AGMO: variants seen among roughly 807,000 people sequenced by gnomAD.
The protein encoded by AGMO is glyceryl-ether monooxygenase.
Under a neutral mutation model 60.2 loss-of-function variants are expected in AGMO, and 75 were observed. That is an observed-to-expected ratio of 1.25 (90% confidence interval 1.03 to 1.51). The LOEUF (loss-of-function observed/expected upper bound fraction) is 1.51. AGMO is among the 40% of genes most tolerant of loss of function. The pLI is 0.00. For missense variants in AGMO, 763 were observed against 525.5 expected (o/e 1.45, Z -4.42); for synonymous variants, 261 against 177.1 (o/e 1.47, Z -3.76).
chr7:15,559,186 T>G (rs763288612), intron 2 of AGMO, among the ~76,000 whole-genome samples: 43 of 152,258 alleles, frequency 2.8e-4, no homozygotes, highest in Non-Finnish European at 4.7e-4. Context: ...TACAGGAATA[T>G]TACTGCTTTT....
At chr7:15,537,246 CA>C (rs1397738044) in intron 3 of AGMO, among the ~76,000 whole-genome samples, 1 of 151,992 alleles carries the variant, frequency 6.6e-6, no homozygotes, top group Non-Finnish European at 1.5e-5. Context: ...AATTGTTTCA[CA>C]AAGCTAGAAG....
At chr7:15,270,064 A>G (rs1228277179) in intron 12 of AGMO, among the ~76,000 whole-genome samples, 3 of 152,112 alleles carry the variant, frequency 2.0e-5, no homozygotes, top group Admixed American at 6.5e-5. Context: ...TAATGCCGCA[A>G]AAAAGATATA....
At chr7:15,548,929 A>C (rs946174567) in intron 2 of AGMO, among the ~76,000 whole-genome samples, 62 of 150,940 alleles carry the variant, frequency 4.1e-4, no homozygotes, top group South Asian at 1.0e-3. Context: ...AGGTCGGGTT[A>C]CCCTCAAAGG....
the AGMO span, among the ~76,000 whole-genome samples, chr7:15,163,632 G>T: frequency 6.6e-6 from 1 of 151,928 alleles, no homozygotes; most frequent in African/African-American, 2.4e-5. Context: ...TTATTGATTT[G>T]CGTATGTTGA....
At chr7:15,467,713 A>G (rs1053555667) in intron 3 of AGMO, among the ~76,000 whole-genome samples, 1 of 152,152 alleles carries the variant, frequency 6.6e-6, no homozygotes, top group Admixed American at 6.6e-5. Context: ...TTTTTGGAAT[A>G]TTATTTCTCA....
chr7:15,481,219 C>T (rs541042139), intron 3 of AGMO, among the ~76,000 whole-genome samples: 28 of 152,000 alleles, frequency 1.8e-4, no homozygotes, highest in African/African-American at 6.8e-4. Flanking sequence ...ATTTTTAATA[C>T]AAAATGTTTT....
intron 12 of AGMO, among the ~76,000 whole-genome samples, chr7:15,204,263 T>C (rs975448668): frequency 2.6e-5 from 4 of 152,176 alleles, no homozygotes; most frequent in African/African-American, 9.6e-5. Flanking sequence ...ATTACCGTAG[T>C]CACTCCATTT....
At chr7:15,145,948 C>T in the AGMO span, among the ~76,000 whole-genome samples, 3 of 152,090 alleles carry the variant, frequency 2.0e-5, no homozygotes, top group East Asian at 5.8e-4. Context: ...AGCAATGAAG[C>T]GGAAGGTATT....
intron 4 of AGMO, among the ~76,000 whole-genome samples, chr7:15,430,290 C>T (rs189697683): frequency 6.6e-4 from 100 of 151,860 alleles, no homozygotes; most frequent in South Asian, 2.1e-3. Flanking sequence ...TGTATGATTA[C>T]TGATTTTACG....
chr7:15,361,407 G>T (rs1442125529), intron 12 of AGMO, among the ~76,000 whole-genome samples: 1 of 151,532 alleles, frequency 6.6e-6, no homozygotes, highest in African/African-American at 2.4e-5. Flanking sequence ...GGGCGTGGTG[G>T]CGGGCACCTG....
rs190253719 is a variant in AGMO, at chr7:15,312,373, C to T, written c.1263+53141G>A. On this transcript the variant is annotated intron_variant, in intron 12 of 12. Transcript: ENST00000342526. ...ACAAAAAGGAAATGTTTTAAGTTGC[C>T]AGAACAAGGGGAAAATAAAAGGCAA... is the stretch of plus-strand genomic sequence containing the variant. Among the ~76,000 whole-genome samples, 449 of 151,936 alleles carry T rather than the reference C, an allele frequency of 3.0e-3. 1 individual carries two copies. The highest frequency in any genetic ancestry group is 9.7e-3 in the African/African-American group (400 of 41,436).
chr7:15,414,409 A>C, intron 5 of AGMO, among the ~76,000 whole-genome samples: 1 of 152,198 alleles, frequency 6.6e-6, no homozygotes, highest in Non-Finnish European at 1.5e-5. Context: ...ATTTATGATA[A>C]GTATTATATT....
At chr7:15,420,268 A>G (rs2128494780) in intron 4 of AGMO, among the ~76,000 whole-genome samples, 1 of 152,234 alleles carries the variant, frequency 6.6e-6, no homozygotes, top group South Asian at 2.1e-4. Flanking sequence ...CAGGTCTTTT[A>G]AGAGCTTTTA....
intron 5 of AGMO, among the ~76,000 whole-genome samples, chr7:15,411,878 T>A (rs140287645): frequency 1.3e-5 from 2 of 152,204 alleles, no homozygotes; most frequent in East Asian, 3.9e-4. Flanking sequence ...TCTTTACACA[T>A]GAGTGGATCT....
At chr7:15,383,021 T>C (rs1218041468) in intron 10 of AGMO, among the ~76,000 whole-genome samples, 1 of 152,096 alleles carries the variant, frequency 6.6e-6, no homozygotes. Flanking sequence ...GCCACTCTGT[T>C]GTTCTTCATA....
At chr7:15,383,585 C>A (rs1783782157) in intron 10 of AGMO, among the ~76,000 whole-genome samples, 1 of 152,066 alleles carries the variant, frequency 6.6e-6, no homozygotes, top group Non-Finnish European at 1.5e-5. Context: ...TGGTACCTAA[C>A]TAAAATAATT....
intron 12 of AGMO, among the ~76,000 whole-genome samples, chr7:15,326,985 G>A (rs1013579547): frequency 2.0e-5 from 3 of 151,940 alleles, no homozygotes; most frequent in Non-Finnish European, 2.9e-5. Context: ...GGCATTTTTT[G>A]TCTTAATGTA....
chr7:15,526,476 G>A (rs1490093789), intron 3 of AGMO, among the ~76,000 whole-genome samples: 4 of 151,926 alleles, frequency 2.6e-5, no homozygotes, highest in Admixed American at 2.0e-4. Context: ...GCCTTTTCTG[G>A]CCAAACCAAT....
At chr7:15,441,948 G>C (rs1781569410) in intron 3 of AGMO, among the ~76,000 whole-genome samples, 1 of 152,118 alleles carries the variant, frequency 6.6e-6, no homozygotes, top group African/African-American at 2.4e-5. Flanking sequence ...GGATCTCTTT[G>C]CTACTAATCA....
Sources: allele counts gnomAD v4.1 joint callset (sites outside exome capture counted in the v4.1 genomes callset), GRCh38; gene constraint gnomAD v4.1.1; transcripts MANE v1.5; gene names NCBI Gene and HGNC (gene_info 2026-07-23, HGNC 2026-07-21).